SPECC1: variants seen among roughly 807,000 people sequenced by gnomAD.
SPECC1 encodes cytospin-B.
Under a neutral mutation model 104.1 loss-of-function variants are expected in SPECC1, and 62 were observed. The ratio of observed to expected loss-of-function variants is 0.60; its 90% CI spans 0.49 to 0.74. The LOEUF is 0.74. Among genes scored for constraint, SPECC1 ranks in the 30% least tolerant of loss-of-function variants. The pLI is 0.00. For synonymous variants in SPECC1, 513 were observed against 501.6 expected (o/e 1.02, Z -0.30); for missense variants, 1,306 against 1,310.5 (o/e 1.00, Z 0.05).
chr17:20,183,968 C>T (rs1381799726), intron 3 of SPECC1, among the ~76,000 whole-genome samples: 2 of 150,714 alleles, frequency 1.3e-5, no homozygotes, highest in Non-Finnish European at 3.0e-5. Flanking sequence ...CTCAGGAGTT[C>T]GAGACCAGCC....
rs2039014983 is a variant in SPECC1 at position 20,238,011 on chromosome 17, G to A, written c.2351+5606G>A. On this transcript the variant is annotated intron_variant, in intron 7 of 14. Coordinates refer to ENST00000395527, the MANE Select transcript of SPECC1 (RefSeq NM_001243439.2). ...GCCGCCTCAGCCTCCCAAAGTGCTG[G>A]GATTACAGGCTTGAGACCCCATGTC... 3.9e-6 allele frequency: 4 copies of A among 1,017,742 alleles called. No homozygotes were observed. In the South Asian group the frequency reaches 1.9e-4, roughly 47 times the overall value. 63.0% of individuals were successfully genotyped at this position (1,017,742 alleles called of 1,614,324 possible). A position where few individuals can be genotyped will look rare whatever the true frequency, so the allele number is the denominator to read the frequency against.
At chr17:20,257,251 T>C (rs560203413) in intron 10 of SPECC1, among the ~76,000 whole-genome samples, 200 bp from the exon 11 acceptor site, 1 of 152,310 alleles carries the variant, frequency 6.6e-6, no homozygotes, top group African/African-American at 2.4e-5. Flanking sequence ...AGGAGGTTGA[T>C]TTGGTGCTAG....
chr17:20,078,374 G>C (rs938359431), intron 1 of SPECC1, among the ~76,000 whole-genome samples: 1 of 151,792 alleles, frequency 6.6e-6, no homozygotes, highest in Non-Finnish European at 1.5e-5. Flanking sequence ...ATGGGCAAAG[G>C]TTATAAAAAA....
At chr17:20,280,440 T>C (rs1212179605) in intron 12 of SPECC1, among the ~76,000 whole-genome samples, 5 of 152,230 alleles carry the variant, frequency 3.3e-5, no homozygotes, top group Non-Finnish European at 7.3e-5. Flanking sequence ...TCCAGTCCCT[T>C]GGTCTCTACA....
At chr17:20,034,450 A>G (rs1431304176) in intron 1 of SPECC1, among the ~76,000 whole-genome samples, 1 of 152,020 alleles carries the variant, frequency 6.6e-6, no homozygotes, top group Admixed American at 6.6e-5. Context: ...AGTTGAAAGA[A>G]TAATACAGTG....
intron 1 of SPECC1, among the ~76,000 whole-genome samples, chr17:20,014,013 T>C (rs901451754): frequency 1.1e-4 from 17 of 151,928 alleles, no homozygotes; most frequent in Non-Finnish European, 1.5e-5. Flanking sequence ...GGTTGTAGTC[T>C]GTGCATGTGC....
intron 3 of SPECC1, among the ~76,000 whole-genome samples, chr17:20,201,230 C>CGGGATGGGAGGCCAA (rs1230963711): frequency 3.3e-5 from 5 of 151,182 alleles, no homozygotes; most frequent in Non-Finnish European, 5.9e-5. Context: ...GAGGCCAAGG[C>CGGGATGGGAGGCCAA]GGGGAGATCA....
At chr17:20,092,951 G>T (rs751673966) in intron 1 of SPECC1, among the ~76,000 whole-genome samples, 3 of 152,196 alleles carry the variant, frequency 2.0e-5, no homozygotes, top group Non-Finnish European at 4.4e-5. Context: ...CGTCCCTGGT[G>T]TTTAGGTGTG....
At chr17:20,037,507 C>A (rs2045139702) in intron 1 of SPECC1, among the ~76,000 whole-genome samples, 1 of 148,846 alleles carries the variant, frequency 6.7e-6, no homozygotes, top group South Asian at 2.1e-4. Context: ...TTTTTTCTGA[C>A]TGTTCCTGCA....
At chr17:20,225,851 A>G (rs1022340126) in intron 4 of SPECC1, among the ~76,000 whole-genome samples, 4 of 152,190 alleles carry the variant, frequency 2.6e-5, no homozygotes, top group South Asian at 2.1e-4. Context: ...TTCTGTCTCC[A>G]GGTCTCTCCT....
intron 3 of SPECC1, chr17:20,112,109 A>AG (rs1455737700): frequency 2.6e-6 from 2 of 764,508 alleles, no homozygotes; most frequent in East Asian, 2.5e-5. Context: ...TAAATGCTGG[A>AG]GGGGCGGTAC....
intron 3 of SPECC1, among the ~76,000 whole-genome samples, chr17:20,151,973 C>T (rs182906441): frequency 1.2e-3 from 178 of 151,550 alleles, no homozygotes; most frequent in Non-Finnish European, 1.2e-3. Context: ...CGCTTGAACC[C>T]GGGAGGCTCT....
intron 1 of SPECC1, among the ~76,000 whole-genome samples, chr17:20,024,113 T>TTTAGTAAG (rs1291105461): frequency 2.3e-4 from 35 of 152,288 alleles, no homozygotes; most frequent in Middle Eastern, 3.4e-3. Flanking sequence ...AAGGGGAAAG[T>TTTAGTAAG]TTAGTAAGTT....
intron 9 of SPECC1, among the ~76,000 whole-genome samples, chr17:20,248,283 C>T (rs1598081851): frequency 6.6e-6 from 1 of 152,298 alleles, no homozygotes; most frequent in East Asian, 1.9e-4. Context: ...GAAGCTAGGC[C>T]ACTTGATGAG....
rs2048772202 is a variant in SPECC1 at position 20,116,726 on chromosome 17, T to C, written c.283+6164T>C. ...CTGAATAAAATAACTGGAATTTATC[T>C]AAAACCCGTTGTTCTCAATGGGGGA... On this transcript the variant is annotated intron_variant, in intron 3 of 14. Coordinates refer to ENST00000395527, the MANE Select transcript of SPECC1 (RefSeq NM_001243439.2). 7.4e-5 allele frequency among the ~76,000 whole-genome samples: 11 copies of C among 148,148 alleles called. No individual in the cohort carries two copies. In the South Asian group the frequency reaches 2.4e-3, roughly 33 times the overall value.
chr17:20,249,410 T>TC (rs2039541243), intron 9 of SPECC1, among the ~76,000 whole-genome samples: 1 of 151,974 alleles, frequency 6.6e-6, no homozygotes, highest in South Asian at 2.1e-4. Flanking sequence ...AGAGCAAGAC[T>TC]CCATCTTAAA....
At chr17:20,257,689 C>A in intron 11 of SPECC1, 82 bp downstream of exon 11, 1 of 1,516,440 alleles carries the variant, frequency 6.6e-7, no homozygotes, top group Non-Finnish European at 8.9e-7. Flanking sequence ...GTCCCCGTGG[C>A]CAATTTACTT....
At chr17:20,191,352 G>C (rs2035656124) in intron 3 of SPECC1, among the ~76,000 whole-genome samples, 1 of 152,182 alleles carries the variant, frequency 6.6e-6, no homozygotes, top group Admixed American at 6.5e-5. Flanking sequence ...CCAGCAATGA[G>C]TCCCGGTTGC....
chr17:20,277,472 T>C (rs911505529), intron 12 of SPECC1, among the ~76,000 whole-genome samples: 1 of 152,236 alleles, frequency 6.6e-6, no homozygotes, highest in Non-Finnish European at 1.5e-5. Context: ...GAAGTTCACT[T>C]AGCTCCTTTT....
Sources: allele counts gnomAD v4.1 joint callset (sites outside exome capture counted in the v4.1 genomes callset), GRCh38; gene constraint gnomAD v4.1.1; transcripts MANE v1.5; gene names NCBI Gene and HGNC (gene_info 2026-07-23, HGNC 2026-07-21).